Variants in TTLL4 observed in about 807,000 individuals in gnomAD.
TTLL4 encodes the protein tubulin monoglutamylase TTLL4.
Under a neutral mutation model 122.7 loss-of-function variants are expected in TTLL4, and 85 were observed. The observed-to-expected ratio is 0.69, with a 90% CI of 0.58 to 0.83. The LOEUF is 0.83. TTLL4 is among the 40% of genes least tolerant of loss of function. The pLI is 0.00. For synonymous variants in TTLL4, 553 were observed against 563.0 expected, an observed-to-expected ratio of 0.98 and a Z score of 0.25; for missense variants, 1,363 against 1,488.6, an observed-to-expected ratio of 0.92 and a Z score of 1.39.
intron 7 of TTLL4, 67 bp from the exon 8 acceptor site, chr2:218,746,088 C>T (rs1172770894): frequency 1.3e-5 from 21 of 1,581,824 alleles, no homozygotes; most frequent in Non-Finnish European, 1.7e-5. Context: ...GTTCTGGGGC[C>T]TCTGGGCCTC....
chr2:218,740,777 A>T (rs1485824389), intron 5 of TTLL4, among the ~76,000 whole-genome samples, 193 bp downstream of exon 5: 1 of 152,178 alleles, frequency 6.6e-6, no homozygotes, highest in Non-Finnish European at 1.5e-5. Flanking sequence ...TGTGGGGCTT[A>T]AAAACAGTAT....
Position 218,755,141 on chromosome 2 carries a change from GC to G in TTLL4, c.*755del, listed in dbSNP as rs1943126965. ...AATTTCCCATGGCCCCAGTGAAGGAGCCCAGATAATCCCAGTAGCTGTTACC... is the reference window on the plus strand; with the variant it reads ...AATTTCCCATGGCCCCAGTGAAGGAGCCAGATAATCCCAGTAGCTGTTACC... On this transcript the variant is annotated 3_prime_UTR_variant, in exon 20 of 20. Coordinates refer to ENST00000392102, the MANE Select transcript of TTLL4 (RefSeq NM_014640.5). 6.6e-6 allele frequency: 1 copy of G among 152,316 alleles called. No homozygotes were observed. The highest frequency in any genetic ancestry group is 6.5e-5 in the Admixed American group (1 of 15,280). 9.4% of individuals were successfully genotyped at this position (152,316 alleles called of 1,614,324 possible). A position where few individuals can be genotyped will look rare whatever the true frequency, so the allele number is the denominator to read the frequency against.
intron 1 of TTLL4, among the ~76,000 whole-genome samples, chr2:218,717,223 A>T (rs765023748): frequency 6.6e-6 from 1 of 151,966 alleles, no homozygotes; most frequent in Admixed American, 6.6e-5. Flanking sequence ...TTAGCCTCCC[A>T]AAGTGTTGGG....
At chr2:218,713,638 T>G (rs6436066) in intron 1 of TTLL4, among the ~76,000 whole-genome samples, 77,021 of 151,944 alleles carry the variant, frequency 0.51, 21,253 homozygotes, top group African/African-American at 0.73. Flanking sequence ...AGGGATACAT[T>G]AGTAAAATCA....
chr2:218,717,759 C>G (rs1013263753), intron 1 of TTLL4, among the ~76,000 whole-genome samples: 1 of 151,942 alleles, frequency 6.6e-6, no homozygotes, highest in Non-Finnish European at 1.5e-5. Context: ...GATTCCTACA[C>G]TCCTCTCTAT....
intron 1 of TTLL4, among the ~76,000 whole-genome samples, chr2:218,722,142 T>C (rs1328485510): frequency 6.6e-6 from 1 of 151,966 alleles, no homozygotes; most frequent in African/African-American, 2.4e-5. Flanking sequence ...GTTAGCTGGG[T>C]GCGGTGGAAC....
In TTLL4 at chr2:218,721,589, C is replaced by T. The variant is rs201865012; in HGVS notation, c.-177-5680C>T. Among the ~76,000 whole-genome samples the T allele has an allele frequency of 6.6e-5, 10 of 152,178 alleles. No homozygotes were observed. In the East Asian group the frequency reaches 1.9e-3, roughly 29 times the overall value. ...TGTGTGCCTCACACATTTTGATGAC[C>T]AGAGGTGAAATATTCTGTACTGTGT... On this transcript the variant is annotated intron_variant, in intron 1 of 19. Transcript: ENST00000392102.
chr2:218,729,766 A>AAAAC (rs1553608260), intron 2 of TTLL4, among the ~76,000 whole-genome samples: 14 of 145,372 alleles, frequency 9.6e-5, no homozygotes, highest in Admixed American at 1.3e-4. Context: ...AAAAAAACAA[A>AAAAC]AAAAAAAAAA....
intron 2 of TTLL4, among the ~76,000 whole-genome samples, chr2:218,731,391 A>G (rs1226534993): frequency 6.6e-6 from 1 of 151,978 alleles, no homozygotes; most frequent in Admixed American, 6.6e-5. Flanking sequence ...AGCGTGGGCA[A>G]CAGAGTGAGA....
Position 218,749,384 on chromosome 2 carries a change from CA to C in TTLL4, c.2734del (p.Ser912AlafsTer16). ...TGGGTCCTGGAAGTCAACATTTCCCCAAGGTAGGTGGTATTCTCAGGACACT... is the reference window on the plus strand; with the variant it reads ...TGGGTCCTGGAAGTCAACATTTCCCCAGGTAGGTGGTATTCTCAGGACACT... ...KPWVLEVNIS[P>X]SLHSSSPLDI... is the part of the protein sequence containing the mutation. On this transcript the variant is annotated frameshift_variant and splice_region_variant, in exon 14 of 20. Transcript: ENST00000392102. LOFTEE classifies it high-confidence loss of function. The C allele has an allele frequency of 6.2e-7, 1 of 1,614,126 alleles. No homozygotes were observed. The highest frequency in any genetic ancestry group is 8.5e-7 in the Non-Finnish European group (1 of 1,180,022).
At chr2:218,713,441 T>TAATTTTTTAA (rs1941772034) in intron 1 of TTLL4, among the ~76,000 whole-genome samples, 1 of 152,142 alleles carries the variant, frequency 6.6e-6, no homozygotes, top group South Asian at 2.1e-4. Flanking sequence ...CCCATCTGGC[T>TAATTTTTTAA]AATTTTTTAA....
chr2:218,747,869 A>T lies in TTLL4; in HGVS notation c.2378+144A>T, dbSNP rs1326043413. The T allele has an allele frequency of 7.8e-7, 1 of 1,284,776 alleles. No homozygotes were observed. The highest frequency in any genetic ancestry group is 1.1e-6 in the Non-Finnish European group (1 of 931,596). 79.6% of individuals were successfully genotyped at this position (1,284,776 alleles called of 1,614,324 possible). ...GAAATGGGAAATATGGAGGCTCTCT[A>T]CTTCGTTAAATCTGGGGAGGGTCTT... On this transcript the variant is annotated intron_variant, in intron 11 of 19. Coordinates refer to ENST00000392102, the MANE Select transcript of TTLL4 (RefSeq NM_014640.5). This position sits in a 1 kb window ranked among gnomAD's most constrained non-coding sequence, Gnocchi z 4.7.
chr2:218,752,332 C>T (rs1339702508), intron 16 of TTLL4, among the ~76,000 whole-genome samples: 2 of 152,112 alleles, frequency 1.3e-5, no homozygotes, highest in African/African-American at 2.4e-5. Context: ...GTTTTCTGGC[C>T]CCCTCTTGTC....
chr2:218,749,608 C>T (rs186844931), intron 14 of TTLL4, among the ~76,000 whole-genome samples: 2 of 152,258 alleles, frequency 1.3e-5, no homozygotes, highest in Admixed American at 6.5e-5. Flanking sequence ...GCTGGGACTA[C>T]AGGCATGCAC....
rs776939840 is a variant in TTLL4, at chr2:218,738,680, G to T, written c.1004G>T (p.Arg335Leu). Reference sequence around the variant, plus strand: ...TCCCAGGATCCAACTAAGGAGATTCGGTTCACTGAGGCCGTGAGGAAATTG... The same window carrying T: ...TCCCAGGATCCAACTAAGGAGATTCTGTTCACTGAGGCCGTGAGGAAATTG... ...SDSQDPTKEIRFTEAVRKLTA... is the reference protein window; with the variant it reads ...SDSQDPTKEILFTEAVRKLTA... The change falls in exon 3 of 20, where the codon CGG becomes CTG. Residue 335 changes from arginine (R) to leucine (L), a missense_variant. Physicochemically the swap from Arg to Leu is moderately radical, Grantham distance 102 (BLOSUM62 -2). Around this residue, in one of 3 missense-constraint regions of TTLL4, gnomAD observed 760 missense variants for 808.4 expected, o/e 0.94. Transcript: ENST00000392102. 6.2e-7 allele frequency: 1 copy of T among 1,614,206 alleles called. No homozygotes were observed. The highest frequency in any genetic ancestry group is 2.2e-5 in the East Asian group (1 of 44,888).
At chr2:218,721,056 C>T (rs1290162768) in intron 1 of TTLL4, among the ~76,000 whole-genome samples, 1 of 152,204 alleles carries the variant, frequency 6.6e-6, no homozygotes, top group Non-Finnish European at 1.5e-5. Flanking sequence ...CACGGAAGCT[C>T]CAAGCCCTTT....
At chr2:218,723,833 A>G (rs1942111296) in intron 1 of TTLL4, among the ~76,000 whole-genome samples, 1 of 152,246 alleles carries the variant, frequency 6.6e-6, no homozygotes, top group African/African-American at 2.4e-5. Context: ...AAAGGAGACT[A>G]AAAAGATATG....
chr2:218,741,813 C>T (rs1185090376), intron 5 of TTLL4, among the ~76,000 whole-genome samples: 1 of 152,180 alleles, frequency 6.6e-6, no homozygotes, highest in Non-Finnish European at 1.5e-5. Flanking sequence ...AGGACTGCTA[C>T]ACAACCCTTT....
chr2:218,754,093 A>G, intron 19 of TTLL4, 41 bp from the exon 20 acceptor site: 1 of 1,612,278 alleles, frequency 6.2e-7, no homozygotes. Flanking sequence ...TCTCAGTTAA[A>G]CAGTGTCTCA....
Sources: allele counts gnomAD v4.1 joint callset (sites outside exome capture counted in the v4.1 genomes callset), GRCh38; gene constraint gnomAD v4.1.1; regional missense constraint gnomAD v4.1.1; non-coding constraint Gnocchi (gnomAD v3.1); transcripts MANE v1.5; gene names NCBI Gene and HGNC (gene_info 2026-07-23, HGNC 2026-07-21).